The following SP3 variants were observed in gnomAD, a reference collection of about 807,000 sequenced individuals.
SP3 encodes the protein Sp3 transcription factor.
SP3 carries 10 observed loss-of-function variants against 70.3 expected under a neutral mutation model. The ratio of observed to expected loss-of-function variants is 0.14; its 90% CI spans 0.09 to 0.24. The LOEUF (loss-of-function observed/expected upper bound fraction) is 0.24. SP3 is among the 10% of genes least tolerant of loss of function. The pLI, the probability that SP3 is intolerant of heterozygous loss-of-function variation, is 1.00. For synonymous variants in SP3, 402 were observed against 333.5 expected (o/e 1.21, Z -2.24); for missense variants, 825 against 914.6 (o/e 0.90, Z 1.26).
chr2:173,965,534 A>G (rs552380261), upstream of SP3: 26 of 259,968 alleles, frequency 1.0e-4, no homozygotes, highest in African/African-American at 5.7e-4. Flanking sequence ...CGGCCGTGGC[A>G]GCGTAGGTTT....
intron 4 of SP3, among the ~76,000 whole-genome samples, chr2:173,945,319 G>A (rs903956940): frequency 1.3e-5 from 2 of 152,054 alleles, no homozygotes; most frequent in African/African-American, 2.4e-5. Flanking sequence ...TACATCAGAA[G>A]ACTTGTAAAT....
chr2:173,931,344 T>TTTGTTG (rs111299743), intron 4 of SP3, among the ~76,000 whole-genome samples: 8 of 151,370 alleles, frequency 5.3e-5, no homozygotes, highest in African/African-American at 1.9e-4. Flanking sequence ...GCCTGGCATT[T>TTTGTTG]TTGTTGTTGT....
At chr2:173,960,023 A>G (rs535053643) in intron 3 of SP3, among the ~76,000 whole-genome samples, 1 of 152,112 alleles carries the variant, frequency 6.6e-6, no homozygotes, top group Non-Finnish European at 1.5e-5. Context: ...TACAAAAATT[A>G]GCCAGGCGTG....
chr2:173,961,084 T>C (rs954419832), intron 3 of SP3, among the ~76,000 whole-genome samples: 4 of 152,238 alleles, frequency 2.6e-5, no homozygotes, highest in African/African-American at 7.2e-5. Flanking sequence ...TCAAAGTTAA[T>C]ACTTGCACAA....
intron 4 of SP3, among the ~76,000 whole-genome samples, chr2:173,925,922 T>C (rs73028236): frequency 6.6e-6 from 1 of 152,162 alleles, no homozygotes; most frequent in Admixed American, 6.5e-5. Context: ...TGCTATCCAA[T>C]AAACAGCAGG....
At chr2:173,957,731 T>G (rs1471721045) in intron 3 of SP3, among the ~76,000 whole-genome samples, 1 of 152,068 alleles carries the variant, frequency 6.6e-6, no homozygotes, top group Non-Finnish European at 1.5e-5. Flanking sequence ...CTGTGTCTTA[T>G]AAAGATAAAC....
At chr2:173,950,252 T>A (rs914137629) in intron 4 of SP3, among the ~76,000 whole-genome samples, 2 of 151,998 alleles carry the variant, frequency 1.3e-5, no homozygotes, top group Non-Finnish European at 2.9e-5. Context: ...GTAGAGGTCA[T>A]TTTTGTTAAA....
rs1489776048 is a variant in SP3, at chr2:173,906,171, A to C, written c.*3770T>G. Among the ~76,000 whole-genome samples the C allele has an allele frequency of 6.6e-6, 1 of 152,122 alleles. No individual in the cohort carries two copies. The highest frequency in any genetic ancestry group is 2.4e-5 in the African/African-American group (1 of 41,428). ...CTCACAAAGTCCCCCATCACCCAACATACCACACTGTACCTTTGCAAACGC... is the reference window on the plus strand; with the variant it reads ...CTCACAAAGTCCCCCATCACCCAACCTACCACACTGTACCTTTGCAAACGC... On this transcript the variant is annotated 3_prime_UTR_variant, in exon 7 of 7. Transcript: ENST00000310015.
rs983320429 is a variant in SP3, at chr2:173,905,437, ATC to A, written c.*4502_*4503del. On this transcript the variant is annotated 3_prime_UTR_variant, in exon 7 of 7. Coordinates refer to ENST00000310015, the MANE Select transcript of SP3 (RefSeq NM_003111.5). The stretch of plus-strand genomic sequence containing the variant: ...GGTAAGAAAACTACCAATATCACAC[ATC>A]TAGTAAGTAGCTTAGCATAGATTCA... 1.3e-5 allele frequency among the ~76,000 whole-genome samples: 2 copies of A among 152,190 alleles called. No individual in the cohort carries two copies. Among genetic ancestry groups the A allele is most frequent in the Non-Finnish European group, 2.9e-5 (2 of 68,030 alleles).
At chr2:173,920,624 T>TA (rs1689726433) in intron 4 of SP3, among the ~76,000 whole-genome samples, 1 of 152,120 alleles carries the variant, frequency 6.6e-6, no homozygotes, top group African/African-American at 2.4e-5. Flanking sequence ...TTTATTTATT[T>TA]TTAAGCAGAG....
chr2:173,958,399 C>A (rs901873549), intron 3 of SP3, among the ~76,000 whole-genome samples: 1 of 150,944 alleles, frequency 6.6e-6, no homozygotes. Context: ...TAAATATTGC[C>A]CAAGTCATCC....
At chr2:173,938,191 A>G (rs1690261842) in intron 4 of SP3, among the ~76,000 whole-genome samples, 1 of 152,150 alleles carries the variant, frequency 6.6e-6, no homozygotes, top group African/African-American at 2.4e-5. Context: ...TCACATCTGA[A>G]CAAAGTTATA....
intron 4 of SP3, among the ~76,000 whole-genome samples, chr2:173,944,241 A>C (rs995713103): frequency 6.6e-6 from 1 of 152,230 alleles, no homozygotes; most frequent in African/African-American, 2.4e-5. Flanking sequence ...CCTTCATAAA[A>C]TAAAGCTGAA....
intron 3 of SP3, among the ~76,000 whole-genome samples, chr2:173,962,067 A>C (rs1341318598): frequency 3.3e-5 from 5 of 151,180 alleles, no homozygotes; most frequent in African/African-American, 1.2e-4. Flanking sequence ...GTGGCAGAAT[A>C]TGTGTTGTCA....
intron 4 of SP3, among the ~76,000 whole-genome samples, chr2:173,952,369 A>G (rs1269773887): frequency 6.6e-6 from 1 of 152,216 alleles, no homozygotes; most frequent in African/African-American, 2.4e-5. Context: ...CTACAAACCA[A>G]AACCATAAAA....
intron 3 of SP3, among the ~76,000 whole-genome samples, chr2:173,962,711 T>C (rs1002352321): frequency 3.9e-5 from 6 of 152,186 alleles, no homozygotes; most frequent in Admixed American, 3.3e-4. Flanking sequence ...ACCAAACTTC[T>C]GTCTTCAGTG....
intron 6 of SP3, 75 bp downstream of exon 6, chr2:173,912,995 C>T: frequency 9.0e-7 from 1 of 1,110,698 alleles, no homozygotes; most frequent in Non-Finnish European, 1.2e-6. Context: ...GTAAGGAATG[C>T]TAATAAAAAA....
intron 4 of SP3, among the ~76,000 whole-genome samples, chr2:173,950,316 G>A (rs2105492691): frequency 6.7e-6 from 1 of 148,520 alleles, no homozygotes; most frequent in East Asian, 2.0e-4. Context: ...CAGAGCCCTG[G>A]TTTAAAAAAA....
At position 173,913,227 on chromosome 2, in the gene SP3, A is replaced by G. The variant is rs1200545823; in HGVS notation, c.1872T>C (p.His624=). Residue 624 remains histidine, a synonymous_variant, in exon 6 of 7, where the codon CAT becomes CAC. Transcript: ENST00000310015. ...CATAGACTTTACCACATCCTGGTAT[A>G]TGACAAATGTGTTGCTTCTTTTTCC... is the stretch of plus-strand genomic sequence containing the variant. ...NLGKKKQHIC[H]IPGCGKVYGK... 4.4e-6 allele frequency: 7 copies of G among 1,604,790 alleles called. No individual in the cohort carries two copies. Among genetic ancestry groups the G allele is most frequent in the Non-Finnish European group, 6.0e-6 (7 of 1,174,840 alleles).
Sources: gnomAD v4.1 joint callset for allele counts (sites outside exome capture counted in the v4.1 genomes callset) on GRCh38, gnomAD v4.1.1 for gene constraint, MANE v1.5 for transcripts, NCBI Gene and HGNC (gene_info 2026-07-23, HGNC 2026-07-21) for gene names.